Variants in RBBP8 observed in about 807,000 individuals in gnomAD.
The protein encoded by RBBP8 is RB binding protein 8, endonuclease, also known as DNA endonuclease RBBP8.
In RBBP8, 88 loss-of-function variants were observed where a neutral mutation model predicts 108.3. The observed-to-expected ratio is 0.81, with a 90% confidence interval of 0.68 to 0.97. The LOEUF is 0.97. Among genes scored for constraint, RBBP8 ranks in the 50% least tolerant of loss-of-function variants. The probability of loss-of-function intolerance (pLI) is 0.00; values close to 1 mark genes in which losing one functional copy is unlikely to be tolerated. For missense variants in RBBP8, 1,023 were observed against 1,049.0 expected (o/e 0.98, Z 0.34); for synonymous variants, 332 against 348.2 (o/e 0.95, Z 0.52).
rs1047339458 is a variant in RBBP8, at chr18:22,946,335, T to C, written c.110-109T>C. The C allele has an allele frequency of 2.7e-5, 40 of 1,465,200 alleles. No homozygotes were observed. In the African/African-American group the frequency reaches 5.3e-4, roughly 19 times the overall value. The allele number at this position is 1,465,200 out of a possible 1,614,324, so 90.8% of individuals were successfully genotyped here. A position where few individuals can be genotyped will look rare whatever the true frequency, so the allele number is the denominator to read the frequency against. ...GTAAGGGGCATATACTGTAAACTAA[T>C]GAGACCTGGTTTATTATTTAGAGGC... On this transcript the variant is annotated intron_variant, in intron 2 of 18. Transcript: ENST00000327155.
intron 4 of RBBP8, among the ~76,000 whole-genome samples, chr18:22,966,512 G>A (rs763856067): frequency 1.3e-4 from 20 of 150,550 alleles, no homozygotes; most frequent in Non-Finnish European, 2.5e-4. Flanking sequence ...GCCAGGGTGG[G>A]AGGATCACTT....
At chr18:23,003,591 T>TGC (rs2144753290) in intron 15 of RBBP8, among the ~76,000 whole-genome samples, 1 of 152,338 alleles carries the variant, frequency 6.6e-6, no homozygotes, top group East Asian at 1.9e-4. Flanking sequence ...TTTGAATAGA[T>TGC]GCTAGCGTTT....
At chr18:22,956,707 A>G (rs1271012806) in intron 4 of RBBP8, among the ~76,000 whole-genome samples, 2 of 152,234 alleles carry the variant, frequency 1.3e-5, no homozygotes, top group Non-Finnish European at 2.9e-5. Context: ...TAGTATGTTA[A>G]TGGGAAAACA....
rs572496653 is a variant in RBBP8 at position 23,022,643 on chromosome 18, A to C, written c.2596+373A>C. 3.5e-4 allele frequency among the ~76,000 whole-genome samples: 20 copies of C among 57,632 alleles called. 1 individual carries two copies. Among genetic ancestry groups the C allele is most frequent in the Admixed American group, 3.2e-3 (18 of 5,688 alleles). The allele number at this position is 57,632 out of a possible 152,430, so 37.8% of individuals were successfully genotyped here. A position where few individuals can be genotyped will look rare whatever the true frequency, so the allele number is the denominator to read the frequency against. On this transcript the variant is annotated intron_variant, in intron 18 of 18. Transcript: ENST00000327155. ...AAAATAAAATAAAATAAAATAAATA[A>C]AATACAATATAAAATAAAATAAAAT...
intron 3 of RBBP8, among the ~76,000 whole-genome samples, chr18:22,919,395 G>A (rs967959176): frequency 2.0e-5 from 3 of 152,174 alleles, no homozygotes; most frequent in African/African-American, 7.2e-5. Context: ...CCTGAAAGAT[G>A]TTTAATCGCT....
At chr18:22,988,895 A>G (rs1489778979) in intron 8 of RBBP8, among the ~76,000 whole-genome samples, 1 of 152,268 alleles carries the variant, frequency 6.6e-6, no homozygotes, top group Non-Finnish European at 1.5e-5. Context: ...ATGCTGTAAC[A>G]TAAGTCACAA....
chr18:22,950,681 G>A (rs1346645110), intron 4 of RBBP8, among the ~76,000 whole-genome samples: 1 of 152,094 alleles, frequency 6.6e-6, no homozygotes, highest in Non-Finnish European at 1.5e-5. Context: ...TCTTTGGGAA[G>A]CCAAGGCAAG....
chr18:22,975,665 T>A (rs1250354978), intron 6 of RBBP8, among the ~76,000 whole-genome samples: 1 of 151,938 alleles, frequency 6.6e-6, no homozygotes, highest in Non-Finnish European at 1.5e-5. Flanking sequence ...AACCAGTAAC[T>A]TTTATCTTGT....
In RBBP8 at chr18:22,996,458, C is replaced by T. The variant is rs186820592; in HGVS notation, c.2024C>T (p.Thr675Ile). ...AAAATGGATGTTACTGTAATAGATA[C>T]AAAGGTAAGTTAAAAAGTAAAACCA... is the stretch of plus-strand genomic sequence containing the variant. ...QYKMDVTVID[T>I]KDGSQSKLGG... is the part of the protein sequence containing the mutation. The change falls in exon 13 of 19, where the codon ACA becomes ATA. Residue 675 changes from threonine (T) to isoleucine (I), a missense_variant. Coordinates refer to ENST00000327155, the MANE Select transcript of RBBP8 (RefSeq NM_002894.3). The T allele has an allele frequency of 5.0e-5, 80 of 1,613,310 alleles. No homozygotes were observed. The Middle Eastern group carries it at 8.3e-4, about 17-fold the overall frequency.
chr18:22,932,824 C>T (rs564278034), upstream of RBBP8, among the ~76,000 whole-genome samples: 1 of 152,312 alleles, frequency 6.6e-6, no homozygotes, highest in South Asian at 2.1e-4. Flanking sequence ...GAGATTCCTT[C>T]TCGTTTCAAA....
chr18:22,997,872 C>T (rs1419502787), intron 14 of RBBP8, 138 bp downstream of exon 14: 17 of 685,038 alleles, frequency 2.5e-5, no homozygotes, highest in Admixed American at 4.7e-5. Flanking sequence ...TTATGTTCCT[C>T]TTAGGAAAGC....
chr18:22,993,354 T>C lies in RBBP8; in HGVS notation c.1527T>C (p.Ser509=). The part of the protein sequence containing the change: ...AIQRQEKSQG[S]ETSKNKFRQV... The stretch of plus-strand genomic sequence containing the variant: ...AGCGTCAAGAGAAAAGCCAAGGAAG[T>C]GAGACTTCTAAAAACAAATTTAGGC... Residue 509 remains serine (S), a synonymous_variant, in exon 11 of 19, where the codon AGT becomes AGC. Coordinates refer to ENST00000327155, the MANE Select transcript of RBBP8 (RefSeq NM_002894.3). 2 of 1,614,246 alleles carry C rather than the reference T, an allele frequency of 1.2e-6. No homozygotes were observed. The highest frequency in any genetic ancestry group is 1.7e-6 in the Non-Finnish European group (2 of 1,180,034).
intron 4 of RBBP8, among the ~76,000 whole-genome samples, chr18:22,951,504 T>C (rs962528566): frequency 6.6e-6 from 1 of 152,190 alleles, no homozygotes; most frequent in Non-Finnish European, 1.5e-5. Context: ...ACTGTACTCG[T>C]ACAACATGCT....
intron 4 of RBBP8, among the ~76,000 whole-genome samples, chr18:22,960,896 A>G (rs1913043965): frequency 6.6e-6 from 1 of 152,242 alleles, no homozygotes; most frequent in Non-Finnish European, 1.5e-5. Flanking sequence ...TGTCTGTTCT[A>G]AAAGATGAGT....
chr18:23,006,533 G>C lies in RBBP8; in HGVS notation c.2357+101G>C, dbSNP rs1169485569. The C allele has an allele frequency of 3.9e-6, 4 of 1,019,310 alleles. No homozygotes were observed. In the African/African-American group the frequency reaches 4.8e-5, roughly 12 times the overall value. The allele number at this position is 1,019,310 out of a possible 1,614,324, so 63.1% of individuals were successfully genotyped here. Reference sequence around the variant, plus strand: ...TCTTTTTTTTTAAAGACAGAGTCTTGCTCTGTCACCCAGGCTAGAGTGCAA... The same window carrying C: ...TCTTTTTTTTTAAAGACAGAGTCTTCCTCTGTCACCCAGGCTAGAGTGCAA... On this transcript the variant is annotated intron_variant, in intron 16 of 18. Coordinates refer to ENST00000327155, the MANE Select transcript of RBBP8 (RefSeq NM_002894.3).
rs1203840744 is a variant in RBBP8 at position 23,022,643 on chromosome 18, A to AAATAAAATAAAATAAAATAAAATAAATAC, written c.2596+377_2596+378insAAATAAAATAAAATAAAATAAATACAATA. Among the ~76,000 whole-genome samples, 22 of 57,632 alleles carry AAATAAAATAAAATAAAATAAAATAAATAC rather than the reference A, an allele frequency of 3.8e-4. 3 individuals carry two copies. Among genetic ancestry groups the AAATAAAATAAAATAAAATAAAATAAATAC allele is most frequent in the Admixed American group, 3.3e-3 (19 of 5,686 alleles). The allele number at this position is 57,632 out of a possible 152,430, so 37.8% of individuals were successfully genotyped here. A position where few individuals can be genotyped will look rare whatever the true frequency, so the allele number is the denominator to read the frequency against. ...AAAATAAAATAAAATAAAATAAATA[A>AAATAAAATAAAATAAAATAAAATAAATAC]AATACAATATAAAATAAAATAAAAT... On this transcript the variant is annotated intron_variant, in intron 18 of 18. Coordinates refer to ENST00000327155, the MANE Select transcript of RBBP8 (RefSeq NM_002894.3).
intron 6 of RBBP8, among the ~76,000 whole-genome samples, chr18:22,975,824 G>A (rs1214665418): frequency 6.6e-6 from 1 of 152,000 alleles, no homozygotes; most frequent in African/African-American, 2.4e-5. Context: ...GTAGGTAATA[G>A]GACTGTCACT....
intron 2 of RBBP8, among the ~76,000 whole-genome samples, chr18:22,941,078 T>G (rs1207554107): frequency 3.3e-5 from 5 of 152,112 alleles, no homozygotes; most frequent in Non-Finnish European, 1.5e-5. Context: ...TTAATTTGCT[T>G]TTCAGATTGT....
chr18:22,951,929 G>T (rs979409696), intron 4 of RBBP8, among the ~76,000 whole-genome samples: 2 of 152,200 alleles, frequency 1.3e-5, no homozygotes, highest in African/African-American at 4.8e-5. Context: ...TGGAGTTGGG[G>T]TGCTGTCTTA....
Sources: allele counts gnomAD v4.1 joint callset (sites outside exome capture counted in the v4.1 genomes callset), GRCh38; gene constraint gnomAD v4.1.1; transcripts MANE v1.5; gene names NCBI Gene and HGNC (gene_info 2026-07-23, HGNC 2026-07-21).